Variants in LZTS1 observed in about 807,000 individuals in gnomAD.
LZTS1 encodes the protein leucine zipper putative tumor suppressor 1.
LZTS1 carries 31 observed loss-of-function variants against 45.8 expected under a neutral mutation model. The observed-to-expected ratio is 0.68, with a 90% CI of 0.51 to 0.91. The LOEUF is 0.91. Among genes scored for constraint, LZTS1 ranks in the 40% least tolerant of loss-of-function variants. The pLI, the probability that LZTS1 is intolerant of heterozygous loss-of-function variation, is 0.00. For missense variants in LZTS1, 821 were observed against 788.9 expected, an observed-to-expected ratio of 1.04 and a Z score of -0.49; for synonymous variants, 359 against 357.3, an observed-to-expected ratio of 1.00 and a Z score of -0.05.
intron 1 of LZTS1, among the ~76,000 whole-genome samples, chr8:20,293,171 A>G (rs1800927034): frequency 6.6e-6 from 1 of 152,020 alleles, no homozygotes; most frequent in African/African-American, 2.4e-5. Flanking sequence ...CCTTGAATCT[A>G]TTCTATATTC....
intron 1 of LZTS1, among the ~76,000 whole-genome samples, chr8:20,261,168 GA>G (rs942909910): frequency 2.0e-5 from 3 of 152,198 alleles, no homozygotes; most frequent in African/African-American, 7.2e-5. Context: ...GGGGATTCAG[GA>G]AGGGGACAGG....
At chr8:20,272,558 C>T (rs1321354705) in intron 1 of LZTS1, among the ~76,000 whole-genome samples, 1 of 152,176 alleles carries the variant, frequency 6.6e-6, no homozygotes, top group Non-Finnish European at 1.5e-5. Flanking sequence ...CTGTGCTTCT[C>T]CTGCTCCCTG....
At chr8:20,296,666 G>A (rs1251846714) in intron 1 of LZTS1, among the ~76,000 whole-genome samples, 1 of 152,214 alleles carries the variant, frequency 6.6e-6, no homozygotes, top group African/African-American at 2.4e-5. Flanking sequence ...GAGACAATGA[G>A]AGTGGATGAA....
At chr8:20,257,085 C>G (rs1301741381) in intron 1 of LZTS1, among the ~76,000 whole-genome samples, 1 of 152,156 alleles carries the variant, frequency 6.6e-6, no homozygotes, top group Non-Finnish European at 1.5e-5. Flanking sequence ...CGCAATGGCT[C>G]AAGCCTGTAA....
intron 1 of LZTS1, among the ~76,000 whole-genome samples, chr8:20,279,489 C>T (rs1183652734): frequency 6.6e-6 from 1 of 151,964 alleles, no homozygotes; most frequent in Admixed American, 6.6e-5. Flanking sequence ...CGCCTGAGGC[C>T]AGGGGTTCGA....
At chr8:20,284,327 A>G (rs1800749432) in intron 1 of LZTS1, among the ~76,000 whole-genome samples, 1 of 152,222 alleles carries the variant, frequency 6.6e-6, no homozygotes, top group Non-Finnish European at 1.5e-5. Flanking sequence ...TGAAGGACTG[A>G]GCTAACAGGA....
At chr8:20,284,234 T>C (rs1385496906) in intron 1 of LZTS1, among the ~76,000 whole-genome samples, 1 of 152,188 alleles carries the variant, frequency 6.6e-6, no homozygotes, top group East Asian at 1.9e-4. Context: ...GAAAGGATTG[T>C]TGGCAAATGC....
intron 1 of LZTS1, 38 bp from the exon 2 acceptor site, chr8:20,255,353 G>A (rs1800072911): frequency 7.2e-7 from 1 of 1,391,670 alleles, no homozygotes; most frequent in Non-Finnish European, 9.4e-7. Flanking sequence ...GCGTGGGTGG[G>A]AGTGGTCACA....
intron 1 of LZTS1, among the ~76,000 whole-genome samples, chr8:20,261,675 A>G (rs896592274): frequency 7.2e-5 from 11 of 152,234 alleles, no homozygotes. Context: ...TTCTGGATGC[A>G]GAGAGATGTG....
At position 20,246,696 on chromosome 8, in the gene LZTS1, G is replaced by A. The variant is rs2128889788; in HGVS notation, c.*3026C>T. 6.6e-6 allele frequency: 1 copy of A among 152,624 alleles called. No individual in the cohort carries two copies. The highest frequency in any genetic ancestry group is 2.1e-4 in the South Asian group (1 of 4,834). The allele number at this position is 152,624 out of a possible 1,614,324, so 9.5% of individuals were successfully genotyped here. ...TGTGTGTGCCTGGCAGGAGTTCACT[G>A]GGAGAGCTAGGAGGGAACCCCGTGA... is the stretch of plus-strand genomic sequence containing the variant. On this transcript the variant is annotated 3_prime_UTR_variant, in exon 4 of 4. Coordinates refer to ENST00000381569, the MANE Select transcript of LZTS1 (RefSeq NM_021020.5).
chr8:20,256,060 C>CAAAAAAAAAAAAAAAA (rs386412254), intron 1 of LZTS1, among the ~76,000 whole-genome samples: 1 of 56,452 alleles, frequency 1.8e-5, no homozygotes, highest in African/African-American at 6.5e-5. Flanking sequence ...GGGCCTGACT[C>CAAAAAAAAAAAAAAAA]AAAAAAAAAA....
chr8:20,297,014 C>T (rs1005484926), intron 1 of LZTS1, among the ~76,000 whole-genome samples: 1 of 152,174 alleles, frequency 6.6e-6, no homozygotes, highest in African/African-American at 2.4e-5. Flanking sequence ...CGTCTTCCGC[C>T]TCCCTTCGCT....
chr8:20,295,636 A>C (rs1019246909), intron 1 of LZTS1, among the ~76,000 whole-genome samples: 9 of 152,170 alleles, frequency 5.9e-5, no homozygotes, highest in African/African-American at 2.2e-4. Flanking sequence ...TAGAGATAAA[A>C]AGCTAAATAT....
chr8:20,272,808 T>C (rs1267666983), intron 1 of LZTS1, among the ~76,000 whole-genome samples: 1 of 152,246 alleles, frequency 6.6e-6, no homozygotes, highest in Admixed American at 6.5e-5. Flanking sequence ...CTTCCAGCCA[T>C]GGCGTGACTC....
chr8:20,254,793 C>T, intron 2 of LZTS1, 44 bp downstream of exon 2: 1 of 1,518,514 alleles, frequency 6.6e-7, no homozygotes, highest in South Asian at 1.3e-5. Context: ...TTGCTTTCTC[C>T]TGCGTTTCCA....
intron 1 of LZTS1, among the ~76,000 whole-genome samples, 191 bp downstream of exon 1, chr8:20,303,549 C>G (rs1801118750): frequency 6.6e-6 from 1 of 151,588 alleles, no homozygotes; most frequent in Non-Finnish European, 1.5e-5. Flanking sequence ...CGGCGCCCAC[C>G]CTGCAGAGGG....
intron 1 of LZTS1, among the ~76,000 whole-genome samples, chr8:20,288,174 T>A: frequency 6.6e-6 from 1 of 152,128 alleles, no homozygotes; most frequent in Admixed American, 6.5e-5. Context: ...CGAGCAGAGC[T>A]TGTCTTCCCA....
At chr8:20,258,060 G>A (rs1800147332) in intron 1 of LZTS1, among the ~76,000 whole-genome samples, 1 of 152,112 alleles carries the variant, frequency 6.6e-6, no homozygotes, top group Non-Finnish European at 1.5e-5. Context: ...AGGAGAAATT[G>A]GGATGTCAGT....
chr8:20,298,886 AC>A (rs1801021645), intron 1 of LZTS1, among the ~76,000 whole-genome samples: 1 of 152,176 alleles, frequency 6.6e-6, no homozygotes, highest in Admixed American at 6.5e-5. Context: ...TAAAAAACAA[AC>A]AAAAAACCAG....
Sources: gnomAD v4.1 joint callset for allele counts (sites outside exome capture counted in the v4.1 genomes callset) on GRCh38, gnomAD v4.1.1 for gene constraint, MANE v1.5 for transcripts, NCBI Gene and HGNC (gene_info 2026-07-23, HGNC 2026-07-21) for gene names.